The following LPXN variants were observed in gnomAD, a reference collection of about 807,000 sequenced individuals.
The protein encoded by LPXN is leupaxin.
In LPXN, 28 loss-of-function variants were observed where a neutral mutation model predicts 45.6. The observed-to-expected ratio is 0.61, with a 90% CI of 0.45 to 0.84. The LOEUF (loss-of-function observed/expected upper bound fraction) is 0.84, where lower values mean the gene tolerates loss of function less well. LPXN is among the 40% of genes least tolerant of loss of function. The pLI, the probability that LPXN is intolerant of heterozygous loss-of-function variation, is 0.00. For missense variants in LPXN, 459 were observed against 475.0 expected, an observed-to-expected ratio of 0.97 and a Z score of 0.31; for synonymous variants, 166 against 169.9, an observed-to-expected ratio of 0.98 and a Z score of 0.18.
chr11:58,536,804 A>T (rs965642623), intron 7 of LPXN, among the ~76,000 whole-genome samples: 2 of 152,152 alleles, frequency 1.3e-5, no homozygotes, highest in Non-Finnish European at 2.9e-5. Flanking sequence ...AACTTAAACA[A>T]ATTTACAAGA....
intron 7 of LPXN, among the ~76,000 whole-genome samples, chr11:58,531,320 G>A (rs932772711): frequency 3.3e-5 from 5 of 152,042 alleles, no homozygotes; most frequent in Admixed American, 1.3e-4. Flanking sequence ...AAACAGGTTA[G>A]ACAAATTGCT....
chr11:58,544,354 T>G (rs564427973), intron 7 of LPXN, among the ~76,000 whole-genome samples: 81 of 152,326 alleles, frequency 5.3e-4, no homozygotes, highest in African/African-American at 1.9e-3. Context: ...GGGTCTGGGA[T>G]GGGGCCCAAG....
intron 7 of LPXN, among the ~76,000 whole-genome samples, chr11:58,529,591 T>C (rs1364377826): frequency 2.9e-5 from 4 of 137,320 alleles, no homozygotes; most frequent in East Asian, 2.1e-4. Flanking sequence ...GCCTGGGAGA[T>C]AGTGAGACTC....
At chr11:58,571,852 A>C (rs925275919) in intron 1 of LPXN, among the ~76,000 whole-genome samples, 2 of 152,184 alleles carry the variant, frequency 1.3e-5, no homozygotes, top group African/African-American at 2.4e-5. Flanking sequence ...AAAGAGACAA[A>C]AATAATTTGC....
rs1854229770 is a variant in LPXN, at chr11:58,557,185, T to C, written c.219-2245A>G. ...AAATACCACATGACACAGGAATCCT[T>C]CTTCTGGGCATACACAAAATAAATG... On this transcript the variant is annotated intron_variant, in intron 3 of 8. Transcript: ENST00000395074. 2.0e-5 allele frequency among the ~76,000 whole-genome samples: 3 copies of C among 152,142 alleles called. No homozygotes were observed. In the South Asian group the frequency reaches 6.2e-4, roughly 32 times the overall value.
chr11:58,574,395 T>C (rs749274036), intron 1 of LPXN, among the ~76,000 whole-genome samples: 48 of 152,204 alleles, frequency 3.2e-4, no homozygotes, highest in Non-Finnish European at 6.0e-4. Flanking sequence ...ATTTTGTTTT[T>C]CTTAGTTTTC....
chr11:58,561,239 T>A (rs1854366458), intron 3 of LPXN, among the ~76,000 whole-genome samples: 1 of 152,192 alleles, frequency 6.6e-6, no homozygotes, highest in African/African-American at 2.4e-5. Context: ...TTACTACTTA[T>A]CTTTATGTAG....
chr11:58,549,338 G>T (rs1161042184), intron 7 of LPXN, among the ~76,000 whole-genome samples: 1 of 152,136 alleles, frequency 6.6e-6, no homozygotes, highest in Non-Finnish European at 1.5e-5. Context: ...AGGTTGCAGT[G>T]GGCGGAGATC....
intron 2 of LPXN, among the ~76,000 whole-genome samples, chr11:58,566,525 C>T (rs949570208): frequency 2.0e-4 from 30 of 152,254 alleles, no homozygotes; most frequent in African/African-American, 7.0e-4. Context: ...CAATTTTTCT[C>T]CATTTTGGTA....
intron 2 of LPXN, among the ~76,000 whole-genome samples, chr11:58,565,689 T>C (rs933382108): frequency 6.6e-6 from 1 of 152,020 alleles, no homozygotes; most frequent in Non-Finnish European, 1.5e-5. Flanking sequence ...CAAGCAACTT[T>C]AAAAAAATAT....
chr11:58,544,357 G>A (rs1355579711), intron 7 of LPXN, among the ~76,000 whole-genome samples: 1 of 152,124 alleles, frequency 6.6e-6, no homozygotes, highest in East Asian at 1.9e-4. Flanking sequence ...TCTGGGATGG[G>A]GCCCAAGATT....
intron 3 of LPXN, among the ~76,000 whole-genome samples, chr11:58,559,239 A>G (rs1035921578): frequency 6.6e-6 from 1 of 152,110 alleles, no homozygotes; most frequent in East Asian, 1.9e-4. Context: ...ACATTTATAT[A>G]TACCATAGGT....
chr11:58,563,366 T>C (rs1454918940), intron 3 of LPXN, among the ~76,000 whole-genome samples: 1 of 152,236 alleles, frequency 6.6e-6, no homozygotes, highest in Non-Finnish European at 1.5e-5. Flanking sequence ...GAGGGAAGTT[T>C]TAAGAAAACT....
chr11:58,552,656 AT>A (rs1854085240), intron 4 of LPXN, among the ~76,000 whole-genome samples: 1 of 152,196 alleles, frequency 6.6e-6, no homozygotes, highest in African/African-American at 2.4e-5. Flanking sequence ...CTGTTATAAC[AT>A]CACACTGTCA....
upstream of LPXN, chr11:58,577,850 T>A: frequency 1.5e-6 from 1 of 662,800 alleles, no homozygotes; most frequent in Non-Finnish European, 2.4e-6. Flanking sequence ...GGCTCCTTGG[T>A]GTCCCAACAA....
chr11:58,566,720 A>G (rs11229527), intron 2 of LPXN, among the ~76,000 whole-genome samples: 49,283 of 152,068 alleles, frequency 0.32, 8,733 homozygotes, highest in Middle Eastern at 0.49. Flanking sequence ...CTTATTTTAC[A>G]TAATTGTAAC....
chr11:58,549,587 T>C (rs1853977766), intron 7 of LPXN, among the ~76,000 whole-genome samples, 199 bp downstream of exon 7: 1 of 152,218 alleles, frequency 6.6e-6, no homozygotes, highest in Non-Finnish European at 1.5e-5. Context: ...TGCATTTGTA[T>C]TTCTGTGATT....
At chr11:58,561,737 C>G (rs1450708374) in intron 3 of LPXN, among the ~76,000 whole-genome samples, 1 of 152,158 alleles carries the variant, frequency 6.6e-6, no homozygotes, top group Admixed American at 6.5e-5. Flanking sequence ...CAAATTTGTG[C>G]TTATTCAAAG....
At chr11:58,555,578 T>C (rs1295235220) in intron 3 of LPXN, among the ~76,000 whole-genome samples, 1 of 152,120 alleles carries the variant, frequency 6.6e-6, no homozygotes, top group Non-Finnish European at 1.5e-5. Flanking sequence ...CAATAAATTT[T>C]TAAAAGTACA....
Sources: allele counts gnomAD v4.1 joint callset (sites outside exome capture counted in the v4.1 genomes callset), GRCh38; gene constraint gnomAD v4.1.1; transcripts MANE v1.5; gene names NCBI Gene and HGNC (gene_info 2026-07-23, HGNC 2026-07-21).